Variants in CCDC171 observed in about 807,000 individuals in gnomAD.
CCDC171 encodes the protein coiled-coil domain containing 171.
Under a neutral mutation model 168.2 loss-of-function variants are expected in CCDC171, and 177 were observed. The observed-to-expected ratio is 1.05, with a 90% confidence interval of 0.93 to 1.19. The LOEUF is 1.19. Among genes scored for constraint, CCDC171 ranks in the 50% most tolerant of loss-of-function variants. The pLI is 0.00. For synonymous variants in CCDC171, 687 were observed against 540.8 expected (o/e 1.27, Z -3.75); for missense variants, 1,991 against 1,539.0 (o/e 1.29, Z -4.91).
At chr9:16,040,024 T>A (rs1390500581), upstream of CCDC171, among the ~76,000 whole-genome samples, 27 of 152,184 alleles carry the variant, frequency 1.8e-4, no homozygotes, top group Admixed American at 1.8e-3. Flanking sequence ...CCTTTCAGAA[T>A]CTCAGTTTCA....
At chr9:15,660,387 C>G (rs2048225618) in intron 8 of CCDC171, among the ~76,000 whole-genome samples, 1 of 152,042 alleles carries the variant, frequency 6.6e-6, no homozygotes, top group Non-Finnish European at 1.5e-5. Context: ...TTGCCTGATG[C>G]TGAGGTTTGG....
At chr9:15,801,115 A>T (rs2058801099) in intron 21 of CCDC171, among the ~76,000 whole-genome samples, 1 of 151,670 alleles carries the variant, frequency 6.6e-6, no homozygotes, top group African/African-American at 2.4e-5. Context: ...GTTCCATGTA[A>T]ATTTTAGGAT....
chr9:15,773,329 G>C (rs541996605), intron 18 of CCDC171, among the ~76,000 whole-genome samples: 1 of 152,262 alleles, frequency 6.6e-6, no homozygotes, highest in East Asian at 1.9e-4. Context: ...AAAAGTAGTG[G>C]AACTGTTGCA....
intron 3 of CCDC171, among the ~76,000 whole-genome samples, chr9:15,987,118 C>T (rs1832014398): frequency 6.6e-6 from 1 of 152,034 alleles, no homozygotes; most frequent in African/African-American, 2.4e-5. Flanking sequence ...AAATCTGTAA[C>T]AGAAACTATT....
chr9:15,682,904 C>G (rs2050133880), intron 10 of CCDC171, among the ~76,000 whole-genome samples: 1 of 151,992 alleles, frequency 6.6e-6, no homozygotes, highest in Admixed American at 6.6e-5. Flanking sequence ...AAGATGCTGA[C>G]TGATCATGCT....
At chr9:15,714,596 C>A (rs1478708898) in intron 11 of CCDC171, among the ~76,000 whole-genome samples, 2 of 152,094 alleles carry the variant, frequency 1.3e-5, no homozygotes, top group African/African-American at 4.8e-5. Flanking sequence ...AATTCCTCCC[C>A]CCGGTACAGT....
At chr9:15,974,700 ATAACT>A (rs1288597497), downstream of CCDC171, among the ~76,000 whole-genome samples, 5 of 152,228 alleles carry the variant, frequency 3.3e-5, no homozygotes, top group Admixed American at 6.5e-5. Context: ...CAGTTCAGTG[ATAACT>A]TAATGACATA....
At chr9:16,027,305 C>T (rs989251073) in intron 6 of CCDC171, among the ~76,000 whole-genome samples, 1 of 152,126 alleles carries the variant, frequency 6.6e-6, no homozygotes, top group African/African-American at 2.4e-5. Context: ...ACCCCCTTTT[C>T]TAGTAAAAGA....
At chr9:16,105,473 G>C in the CCDC171 span, among the ~76,000 whole-genome samples, 3 of 152,066 alleles carry the variant, frequency 2.0e-5, no homozygotes, top group African/African-American at 7.2e-5. Context: ...CTCTTTTTCA[G>C]TGGCACTGGT....
At chr9:15,992,276 T>C (rs1459659976) in intron 3 of CCDC171, among the ~76,000 whole-genome samples, 2 of 152,088 alleles carry the variant, frequency 1.3e-5, no homozygotes, top group East Asian at 3.9e-4. Context: ...CTTGTAAACA[T>C]ACACAAATCA....
intron 25 of CCDC171, among the ~76,000 whole-genome samples, chr9:15,945,262 C>G (rs1440754833): frequency 1.3e-5 from 2 of 149,682 alleles, no homozygotes; most frequent in Admixed American, 1.3e-4. Flanking sequence ...GCCACATTTT[C>G]TTAATCCAGT....
chr9:15,809,089 C>T (rs1221396379), intron 21 of CCDC171, among the ~76,000 whole-genome samples: 1 of 152,142 alleles, frequency 6.6e-6, no homozygotes, highest in Non-Finnish European at 1.5e-5. Flanking sequence ...AAAGCCCCAC[C>T]TTTTATTGCC....
rs1042196155 is a variant in CCDC171 at position 15,856,496 on chromosome 9, G to C, written c.3468+7549G>C. ...GTCCTCAAGGTTCATCCATTTTGTT[G>C]TATTTCATAAGATTTCCTTCTTTTA... On this transcript the variant is annotated intron_variant, in intron 23 of 25. Transcript: ENST00000380701. Among the ~76,000 whole-genome samples, 5 of 151,868 alleles carry C rather than the reference G, an allele frequency of 3.3e-5. No homozygotes were observed. In the East Asian group the frequency reaches 9.7e-4, roughly 29 times the overall value.
chr9:15,996,424 T>C (rs1352160175), intron 3 of CCDC171, among the ~76,000 whole-genome samples: 1 of 148,070 alleles, frequency 6.8e-6, no homozygotes, highest in Non-Finnish European at 1.5e-5. Context: ...GCTCTTTTTT[T>C]TTTTTTTTTT....
chr9:15,589,862 G>C (rs976295649), intron 4 of CCDC171, among the ~76,000 whole-genome samples: 1 of 152,080 alleles, frequency 6.6e-6, no homozygotes, highest in Non-Finnish European at 1.5e-5. Flanking sequence ...GGACCAATTT[G>C]AATAATAGGG....
chr9:15,999,766 G>T (rs1314896116), intron 3 of CCDC171, among the ~76,000 whole-genome samples: 1 of 152,162 alleles, frequency 6.6e-6, no homozygotes, highest in African/African-American at 2.4e-5. Flanking sequence ...CCCAGCACCT[G>T]GGCACTGTCC....
chr9:16,075,139 T>C, the CCDC171 span, among the ~76,000 whole-genome samples: 1 of 152,202 alleles, frequency 6.6e-6, no homozygotes, highest in Admixed American at 6.5e-5. Context: ...CTTCTTAGAC[T>C]CCTACTATCC....
chr9:15,933,431 A>G (rs1439907252), intron 25 of CCDC171, among the ~76,000 whole-genome samples: 1 of 151,498 alleles, frequency 6.6e-6, no homozygotes, highest in Non-Finnish European at 1.5e-5. Context: ...AGGTTTGTCA[A>G]TTTTGTTTAC....
chr9:16,009,564 G>A (rs923736731), intron 3 of CCDC171, among the ~76,000 whole-genome samples: 3 of 152,066 alleles, frequency 2.0e-5, no homozygotes, highest in East Asian at 3.9e-4. Context: ...TTTCCCTTAC[G>A]ATTCTTTCTG....
Sources: gnomAD v4.1 joint callset for allele counts (sites outside exome capture counted in the v4.1 genomes callset) on GRCh38, gnomAD v4.1.1 for gene constraint, MANE v1.5 for transcripts, NCBI Gene and HGNC (gene_info 2026-07-23, HGNC 2026-07-21) for gene names.